TCEA2: variants seen among roughly 807,000 people sequenced by gnomAD.
TCEA2 encodes the protein transcription elongation factor A2, also known as transcription elongation factor A protein 2.
Under a neutral mutation model 40.8 loss-of-function variants are expected in TCEA2, and 21 were observed. The ratio of observed to expected loss-of-function variants is 0.51; its 90% CI spans 0.36 to 0.74. The LOEUF is 0.74. Among genes scored for constraint, TCEA2 ranks in the 30% least tolerant of loss-of-function variants. The pLI is 0.00. For missense variants in TCEA2, 326 were observed against 426.5 expected (o/e 0.76, Z 2.08); for synonymous variants, 165 against 162.7 (o/e 1.01, Z -0.11).
intron 4 of TCEA2, 120 bp from the exon 5 acceptor site, chr20:64,069,241 G>A (rs901984444): frequency 2.1e-6 from 3 of 1,411,744 alleles, no homozygotes; most frequent in South Asian, 2.8e-5. Context: ...CTCTGGCAGA[G>A]TAGAACAAGC....
upstream of TCEA2, among the ~76,000 whole-genome samples, chr20:64,060,792 A>T (rs573317862): frequency 6.6e-6 from 1 of 151,546 alleles, no homozygotes; most frequent in South Asian, 2.1e-4. Context: ...TTTCCCTATG[A>T]TTGAGCTTTT....
chr20:64,064,256 C>T (rs918454591), intron 1 of TCEA2: 3 of 152,292 alleles, frequency 2.0e-5, no homozygotes, highest in African/African-American at 7.2e-5. Flanking sequence ...GCTGGAGCCT[C>T]TGGCCGGCTC....
In TCEA2 at chr20:64,070,317, G is replaced by A. The variant is rs762058378; in HGVS notation, c.575G>A (p.Arg192His). 9 of 1,614,202 alleles carry A rather than the reference G, an allele frequency of 5.6e-6. No homozygotes were observed. The highest frequency in any genetic ancestry group is 7.6e-6 in the Non-Finnish European group (9 of 1,180,034). Residue 192 changes from arginine (R) to histidine (H), a missense_variant, in exon 7 of 10, where the codon CGT (arginine) becomes CAT (histidine). Transcript: ENST00000343484. ...AAGTATAAGAACCGTGTACGGAGTC[G>A]TATCTCCAACCTGAAGGATGCCAAG... ...DMKYKNRVRSRISNLKDAKNP... is the reference protein window; with the variant it reads ...DMKYKNRVRSHISNLKDAKNP...
In TCEA2 at chr20:64,072,324, A is replaced by C. The variant is rs966394355; in HGVS notation, c.*144A>C. 3.6e-5 allele frequency: 32 copies of C among 890,264 alleles called. No homozygotes were observed. The highest frequency in any genetic ancestry group is 5.0e-5 in the Non-Finnish European group (29 of 576,878). 55.1% of individuals were successfully genotyped at this position (890,264 alleles called of 1,614,324 possible). A position where few individuals can be genotyped will look rare whatever the true frequency, so the allele number is the denominator to read the frequency against. Reference sequence around the variant, plus strand: ...TGCACCTTTCTGCCCTTTCCCCCTCATTATTAAATGTTTCTTTTTGCCATC... The same window carrying C: ...TGCACCTTTCTGCCCTTTCCCCCTCCTTATTAAATGTTTCTTTTTGCCATC... On this transcript the variant is annotated 3_prime_UTR_variant, in exon 10 of 10. Transcript: ENST00000343484.
chr20:64,065,125 G>C (rs2059658575), intron 1 of TCEA2, among the ~76,000 whole-genome samples: 1 of 152,140 alleles, frequency 6.6e-6, no homozygotes, highest in African/African-American at 2.4e-5. Flanking sequence ...GGGACCTGGG[G>C]GCCAGGTGTG....
chr20:64,067,267 C>T (rs2059717923), intron 3 of TCEA2, among the ~76,000 whole-genome samples: 1 of 152,194 alleles, frequency 6.6e-6, no homozygotes, highest in African/African-American at 2.4e-5. Flanking sequence ...GGCAGGGTTC[C>T]AGGTAGAACA....
At position 64,070,476 on chromosome 20, in the gene TCEA2, C is replaced by T. The variant is rs1234183949; in HGVS notation, c.673-13C>T. On this transcript the variant is annotated splice_polypyrimidine_tract_variant and intron_variant, in intron 7 of 9. Coordinates refer to ENST00000343484, the MANE Select transcript of TCEA2 (RefSeq NM_003195.6). ...TCGGAGCGGTGGGCTAAGCCACTGG[C>T]CCCGTGCTCCAGGAGATGGCCAGTG... 2 of 1,613,500 alleles carry T rather than the reference C, an allele frequency of 1.2e-6. No individual in the cohort carries two copies. Among genetic ancestry groups the T allele is most frequent in the Admixed American group, 3.3e-5 (2 of 60,000 alleles).
At chr20:64,061,814 C>T (rs192632738), upstream of TCEA2, among the ~76,000 whole-genome samples, 4 of 152,296 alleles carry the variant, frequency 2.6e-5, no homozygotes, top group Admixed American at 6.5e-5. Context: ...CTGCAACCTC[C>T]GCCTTCCGGG....
At chr20:64,057,801 T>A (rs911887760) in intron 1 of TCEA2, 2 of 152,544 alleles carry the variant, frequency 1.3e-5, no homozygotes, top group Non-Finnish European at 2.9e-5. Context: ...GAGGCCACTC[T>A]CTAGGACTGG....
In TCEA2 at chr20:64,071,941, G is replaced by A; in HGVS notation, c.891G>A (p.Lys297=). The A allele has an allele frequency of 6.2e-7, 1 of 1,614,152 alleles. No individual in the cohort carries two copies. The highest frequency in any genetic ancestry group is 8.5e-7 in the Non-Finnish European group (1 of 1,180,038). ...VVCNECGNRW[K]FC Reference sequence around the variant, plus strand: ...GCAACGAGTGTGGAAACCGCTGGAAGGTGGGTGAGCAGGCTCAGGCTGCCC... The same window carrying A: ...GCAACGAGTGTGGAAACCGCTGGAAAGTGGGTGAGCAGGCTCAGGCTGCCC... Residue 297 remains lysine (K), a splice_region_variant and synonymous_variant, in exon 9 of 10, where the codon AAG becomes AAA. Coordinates refer to ENST00000343484, the MANE Select transcript of TCEA2 (RefSeq NM_003195.6).
intron 1 of TCEA2, chr20:64,066,023 C>T (rs756526245): frequency 3.5e-5 from 5 of 143,802 alleles, no homozygotes; most frequent in South Asian, 2.1e-4. Flanking sequence ...GGCTGCCCTG[C>T]GCATCAGGGC....
At chr20:64,070,192 C>A in intron 6 of TCEA2, 68 bp from the exon 7 acceptor site, 1 of 1,589,606 alleles carries the variant, frequency 6.3e-7, no homozygotes, top group Non-Finnish European at 8.6e-7. Flanking sequence ...AACATGGCCC[C>A]CAGCGGGGCA....
intron 6 of TCEA2, 36 bp from the exon 7 acceptor site, chr20:64,070,224 A>G (rs1444012069): frequency 6.2e-7 from 1 of 1,609,198 alleles, no homozygotes; most frequent in Non-Finnish European, 8.5e-7. Context: ...GAGGGCAGCG[A>G]CGTTGTCCTC....
upstream of TCEA2, among the ~76,000 whole-genome samples, chr20:64,056,415 A>G (rs931592466): frequency 2.0e-5 from 3 of 152,114 alleles, no homozygotes; most frequent in Non-Finnish European, 2.9e-5. Context: ...GGTGGGGTCC[A>G]CTGGGGTCAC....
chr20:64,069,500 G>T lies in TCEA2; in HGVS notation c.460+9G>T. ...TGCCCTGCAGACGGACCGTGAGTGCGGCCGGCCCTGGCTCCTGACACCCGC... is the reference window on the plus strand; with the variant it reads ...TGCCCTGCAGACGGACCGTGAGTGCTGCCGGCCCTGGCTCCTGACACCCGC... On this transcript the variant is annotated intron_variant, in intron 5 of 9. Coordinates refer to ENST00000343484, the MANE Select transcript of TCEA2 (RefSeq NM_003195.6). 6.2e-7 allele frequency: 1 copy of T among 1,610,834 alleles called. No individual in the cohort carries two copies.
intron 8 of TCEA2, 49 bp from the exon 9 acceptor site, chr20:64,071,821 T>C (rs1172644061): frequency 6.2e-7 from 1 of 1,605,474 alleles, no homozygotes; most frequent in African/African-American, 1.3e-5. Context: ...GGATGCCGTC[T>C]GCAGCGGAGC....
Position 64,063,239 on chromosome 20 carries a change from G to A in TCEA2, c.-74G>A. The A allele has an allele frequency of 7.4e-7, 1 of 1,352,048 alleles. No homozygotes were observed. The allele number at this position is 1,352,048 out of a possible 1,614,324, so 83.8% of individuals were successfully genotyped here. On this transcript the variant is annotated 5_prime_UTR_variant, in exon 1 of 10. Coordinates refer to ENST00000343484, the MANE Select transcript of TCEA2 (RefSeq NM_003195.6). ...GGCTGCGGCGGGTGTGGGAGGTGGC[G>A]ACGGCCGGGGCCGGGGTCCTGCCCG...
At chr20:64,056,362 C>G (rs1355842993), upstream of TCEA2, among the ~76,000 whole-genome samples, 1 of 152,138 alleles carries the variant, frequency 6.6e-6, no homozygotes, top group Non-Finnish European at 1.5e-5. Flanking sequence ...TGGACCTAAG[C>G]CCCGTCGCTG....
chr20:64,066,603 G>GC (rs2059700170), intron 2 of TCEA2, 65 bp downstream of exon 2: 1 of 1,574,198 alleles, frequency 6.4e-7, no homozygotes, highest in Non-Finnish European at 8.7e-7. Flanking sequence ...TGGCAGTTCT[G>GC]AGGGCACCTG....
Sources: allele counts gnomAD v4.1 joint callset (sites outside exome capture counted in the v4.1 genomes callset), GRCh38; gene constraint gnomAD v4.1.1; transcripts MANE v1.5; gene names NCBI Gene and HGNC (gene_info 2026-07-23, HGNC 2026-07-21).